GCLM: variants seen among roughly 807,000 people sequenced by gnomAD.
GCLM encodes glutamate-cysteine ligase modifier subunit, also known as glutamate--cysteine ligase regulatory subunit.
In GCLM, 15 loss-of-function variants were observed where a neutral mutation model predicts 36.0. The observed-to-expected ratio is 0.42, with a 90% CI of 0.28 to 0.64. The LOEUF is 0.64. Among genes scored for constraint, GCLM ranks in the 30% least tolerant of loss-of-function variants. The probability of loss-of-function intolerance (pLI) is 0.25; values close to 1 mark genes in which losing one functional copy is unlikely to be tolerated. For synonymous variants in GCLM, 129 were observed against 122.8 expected, an observed-to-expected ratio of 1.05 and a Z score of -0.34; for missense variants, 242 against 325.5, an observed-to-expected ratio of 0.74 and a Z score of 1.97.
chr1:93,904,499 T>C (rs1271749198), intron 2 of GCLM, 24 bp downstream of exon 2: 1 of 1,491,502 alleles, frequency 6.7e-7, no homozygotes. Context: ...ACCTGCATGA[T>C]TTTTGCATTC....
intron 1 of GCLM, among the ~76,000 whole-genome samples, chr1:93,908,385 G>A (rs1657222149): frequency 1.3e-5 from 2 of 151,946 alleles, no homozygotes; most frequent in Non-Finnish European, 2.9e-5. Flanking sequence ...TATTTATGGG[G>A]CACATGTGAT....
chr1:93,885,211 T>A lies in GCLM; in HGVS notation c.*3779A>T, dbSNP rs1001726602. 6.6e-6 allele frequency: 1 copy of A among 152,238 alleles called. No individual in the cohort carries two copies. The highest frequency in any genetic ancestry group is 1.5e-5 in the Non-Finnish European group (1 of 68,038). The allele number at this position is 152,238 out of a possible 1,614,324, so 9.4% of individuals were successfully genotyped here. A position where few individuals can be genotyped will look rare whatever the true frequency, so the allele number is the denominator to read the frequency against. ...AATAGCTTTATGATTTGGATGTTTT[T>A]AAATTATTAATTTATTTTCAAATCA... On this transcript the variant is annotated 3_prime_UTR_variant, in exon 7 of 7. Transcript: ENST00000370238.
intron 3 of GCLM, among the ~76,000 whole-genome samples, chr1:93,898,633 AT>A (rs896318140): frequency 1.1e-4 from 16 of 147,768 alleles, no homozygotes; most frequent in East Asian, 3.9e-4. Context: ...AATCACCACA[AT>A]TTTTTTTTTT....
At position 93,886,844 on chromosome 1, in the gene GCLM, A is replaced by G. The variant is rs1306671622; in HGVS notation, c.*2146T>C. On this transcript the variant is annotated 3_prime_UTR_variant, in exon 7 of 7. Transcript: ENST00000370238. ...AATGAACGCTTGTTTAAGGACTTAT[A>G]TGAAAAAAATGTTGGGCATTTCCAA... is the stretch of plus-strand genomic sequence containing the variant. 2 of 152,156 alleles carry G rather than the reference A, an allele frequency of 1.3e-5. No homozygotes were observed. The highest frequency in any genetic ancestry group is 6.5e-5 in the Admixed American group (1 of 15,278). The allele number at this position is 152,156 out of a possible 1,614,324, so 9.4% of individuals were successfully genotyped here. A position where few individuals can be genotyped will look rare whatever the true frequency, so the allele number is the denominator to read the frequency against.
chr1:93,909,417 G>A lies in GCLM; in HGVS notation c.-254C>T, dbSNP rs930102770. The A allele has an allele frequency of 1.4e-5, 6 of 437,848 alleles. No individual in the cohort carries two copies. Among genetic ancestry groups the A allele is most frequent in the African/African-American group, 6.3e-5 (3 of 47,272 alleles). The allele number at this position is 437,848 out of a possible 1,614,324, so 27.1% of individuals were successfully genotyped here. A position where few individuals can be genotyped will look rare whatever the true frequency, so the allele number is the denominator to read the frequency against. On this transcript the variant is annotated 5_prime_UTR_variant, in exon 1 of 7. Transcript: ENST00000370238. ...CGGCTACTGCGGCCGCAGCGGGAGA[G>A]CTGATTCCAAACTGAGGGAGCTGTT...
chr1:93,897,087 G>A (rs1459785228), intron 4 of GCLM, among the ~76,000 whole-genome samples: 3 of 152,152 alleles, frequency 2.0e-5, no homozygotes, highest in African/African-American at 7.2e-5. Context: ...ACTACTACAT[G>A]CTCCTCTTTC....
At chr1:93,899,923 C>G (rs977733062) in intron 3 of GCLM, among the ~76,000 whole-genome samples, 1 of 151,862 alleles carries the variant, frequency 6.6e-6, no homozygotes, top group African/African-American at 2.4e-5. Context: ...AATAGACAAA[C>G]AGGTAGAGTA....
intron 6 of GCLM, among the ~76,000 whole-genome samples, chr1:93,890,936 G>A (rs1656513099): frequency 6.6e-6 from 1 of 151,294 alleles, no homozygotes; most frequent in Admixed American, 6.6e-5. Flanking sequence ...GAGTGCAGTG[G>A]CATGATCACA....
At chr1:93,909,014 CG>C in intron 1 of GCLM, 23 bp downstream of exon 1, 1 of 1,439,150 alleles carries the variant, frequency 6.9e-7, no homozygotes. Flanking sequence ...CCGGGAGCCC[CG>C]CGGCGAGTGT....
chr1:93,898,182 C>T (rs908061894), intron 3 of GCLM, among the ~76,000 whole-genome samples: 5 of 151,328 alleles, frequency 3.3e-5, no homozygotes, highest in Non-Finnish European at 7.4e-5. Context: ...ACTATTGGAG[C>T]TTAAATTACT....
chr1:93,900,062 T>C (rs530078760), intron 3 of GCLM, among the ~76,000 whole-genome samples: 2 of 152,298 alleles, frequency 1.3e-5, no homozygotes, highest in South Asian at 2.1e-4. Context: ...TATGAGTCCC[T>C]TCCTTCCTAC....
At chr1:93,905,577 A>C (rs1657118511) in intron 1 of GCLM, among the ~76,000 whole-genome samples, 1 of 152,170 alleles carries the variant, frequency 6.6e-6, no homozygotes, top group Admixed American at 6.5e-5. Flanking sequence ...GTGCACCTCT[A>C]ACCTATCTTC....
intron 3 of GCLM, among the ~76,000 whole-genome samples, chr1:93,898,542 A>G (rs1656826035): frequency 6.6e-6 from 1 of 152,016 alleles, no homozygotes; most frequent in African/African-American, 2.4e-5. Flanking sequence ...GTCTCATTAT[A>G]CTGCCCAGGC....
Position 93,894,717 on chromosome 1 carries a change from A to C in GCLM, c.552T>G (p.Asn184Lys), listed in dbSNP as rs756986775. The change falls in exon 6 of 7, where the codon AAT becomes AAG. Residue 184 changes from asparagine to lysine, a missense_variant. Physicochemically the swap from Asn to Lys is moderately conservative, Grantham distance 94. Transcript: ENST00000370238. ...AGGAGGCAAGATTAACTTGGTTACT[A>C]TTTGGTTTTACCTAGAAGTGAAAAT... is the stretch of plus-strand genomic sequence containing the variant. ...QLYQWAQVKP[N>K]SNQVNLASCC... The C allele has an allele frequency of 1.3e-6, 2 of 1,589,482 alleles. No individual in the cohort carries two copies. Among genetic ancestry groups the C allele is most frequent in the South Asian group, 2.2e-5 (2 of 90,528 alleles).
chr1:93,898,540 A>G (rs921240016), intron 3 of GCLM, among the ~76,000 whole-genome samples: 5 of 152,052 alleles, frequency 3.3e-5, no homozygotes, highest in African/African-American at 1.2e-4. Context: ...GGGTCTCATT[A>G]TACTGCCCAG....
At chr1:93,905,119 G>A (rs1161949115) in intron 1 of GCLM, among the ~76,000 whole-genome samples, 2 of 148,492 alleles carry the variant, frequency 1.3e-5, no homozygotes, top group African/African-American at 2.5e-5. Context: ...GTTATAGTGT[G>A]CTGAGATGAT....
chr1:93,889,166 GA>G lies in GCLM; in HGVS notation c.656-8del. 1 of 1,546,768 alleles carries G rather than the reference GA, an allele frequency of 6.5e-7. No individual in the cohort carries two copies. The highest frequency in any genetic ancestry group is 8.7e-7 in the Non-Finnish European group (1 of 1,148,928). Reference sequence around the variant, plus strand: ...CTTGCTTCAGAAAGCAGTTCTAAAAGAAACAACAACAAACAAAACTCCAGCG... The same window carrying G: ...CTTGCTTCAGAAAGCAGTTCTAAAAGAACAACAACAAACAAAACTCCAGCG... On this transcript the variant is annotated splice_polypyrimidine_tract_variant and splice_region_variant and intron_variant, in intron 6 of 6. Coordinates refer to ENST00000370238, the MANE Select transcript of GCLM (RefSeq NM_002061.4).
At chr1:93,904,967 A>G (rs1158807594) in intron 1 of GCLM, among the ~76,000 whole-genome samples, 5 of 152,110 alleles carry the variant, frequency 3.3e-5, no homozygotes. Flanking sequence ...TGAGGTCAGG[A>G]GTTCAAGACC....
At position 93,896,835 on chromosome 1, in the gene GCLM, G is replaced by A; in HGVS notation, c.338-15C>T. 1 of 1,457,322 alleles carries A rather than the reference G, an allele frequency of 6.9e-7. No homozygotes were observed. The highest frequency in any genetic ancestry group is 9.6e-7 in the Non-Finnish European group (1 of 1,037,344). 90.3% of individuals were successfully genotyped at this position (1,457,322 alleles called of 1,614,324 possible). A position where few individuals can be genotyped will look rare whatever the true frequency, so the allele number is the denominator to read the frequency against. ...GACTGAACAGGCTGATAGGAAGGAA[G>A]ACACAAAGAAAATAAATGCTTACAT... is the stretch of plus-strand genomic sequence containing the variant. On this transcript the variant is annotated splice_polypyrimidine_tract_variant and intron_variant, in intron 4 of 6. Transcript: ENST00000370238.
Sources: gnomAD v4.1 joint callset for allele counts (sites outside exome capture counted in the v4.1 genomes callset) on GRCh38, gnomAD v4.1.1 for gene constraint, MANE v1.5 for transcripts, NCBI Gene and HGNC (gene_info 2026-07-23, HGNC 2026-07-21) for gene names.